Variants in PPFIA2 observed in about 807,000 individuals in gnomAD.
PPFIA2 encodes liprin-alpha-2.
PPFIA2 carries 46 observed loss-of-function variants against 175.5 expected under a neutral mutation model. The observed-to-expected ratio is 0.26, with a 90% CI of 0.21 to 0.34. The LOEUF (loss-of-function observed/expected upper bound fraction) is 0.34, where lower values mean the gene tolerates loss of function less well. Among genes scored for constraint, PPFIA2 ranks in the 10% least tolerant of loss-of-function variants. PPFIA2 has a pLI of 1.00. For synonymous variants in PPFIA2, 568 were observed against 511.4 expected (o/e 1.11, Z -1.49); for missense variants, 1,179 against 1,506.1 (o/e 0.78, Z 3.60).
At chr12:81,306,532 T>C (rs1383616561) in intron 22 of PPFIA2, among the ~76,000 whole-genome samples, 1 of 148,054 alleles carries the variant, frequency 6.8e-6, no homozygotes. Flanking sequence ...TTTGTTTGTT[T>C]GTTTCGTTGT....
intron 15 of PPFIA2, among the ~76,000 whole-genome samples, chr12:81,361,850 G>C (rs2030590670): frequency 6.6e-6 from 1 of 151,548 alleles, no homozygotes. Context: ...TCAAACGGCT[G>C]CTATTATTCT....
At chr12:81,693,411 C>G (rs1248493019) in intron 3 of PPFIA2, among the ~76,000 whole-genome samples, 3 of 151,926 alleles carry the variant, frequency 2.0e-5, no homozygotes, top group Non-Finnish European at 4.4e-5. Flanking sequence ...TTTGGTTGCT[C>G]CTGCTTTCAC....
At chr12:81,595,052 G>A (rs953615098) in intron 4 of PPFIA2, among the ~76,000 whole-genome samples, 8 of 152,016 alleles carry the variant, frequency 5.3e-5, no homozygotes, top group African/African-American at 1.9e-4. Flanking sequence ...GGAAATGAGG[G>A]GAGCCATGGT....
chr12:81,417,551 T>C lies in PPFIA2; in HGVS notation c.646-11648A>G, dbSNP rs549724190. Among the ~76,000 whole-genome samples, 4 of 151,726 alleles carry C rather than the reference T, an allele frequency of 2.6e-5. No individual in the cohort carries two copies. The South Asian group carries it at 8.3e-4, about 31-fold the overall frequency. Reference sequence around the variant, plus strand: ...CAATCTTGCATATAACAAAGCAAGCTAGGGCAATAAAAAGGATTTATTCAT... The same window carrying C: ...CAATCTTGCATATAACAAAGCAAGCCAGGGCAATAAAAAGGATTTATTCAT... On this transcript the variant is annotated intron_variant, in intron 7 of 32. Transcript: ENST00000549396.
At chr12:81,424,758 T>G (rs1311636804) in intron 7 of PPFIA2, 2 of 152,182 alleles carry the variant, frequency 1.3e-5, no homozygotes, top group African/African-American at 4.8e-5. Context: ...TCTTTATATG[T>G]TTATTAGCTC....
intron 4 of PPFIA2, among the ~76,000 whole-genome samples, chr12:81,584,341 A>C (rs1306465269): frequency 2.0e-5 from 3 of 151,896 alleles, no homozygotes; most frequent in African/African-American, 7.2e-5. Flanking sequence ...GCCATATATC[A>C]TTTAGGATTT....
At chr12:81,395,012 T>C (rs1222852758) in intron 8 of PPFIA2, among the ~76,000 whole-genome samples, 2 of 151,938 alleles carry the variant, frequency 1.3e-5, no homozygotes, top group African/African-American at 4.8e-5. Context: ...TCTTGGACAA[T>C]AACAATAAAT....
chr12:81,625,788 GATTT>G (rs2062630065), intron 4 of PPFIA2, among the ~76,000 whole-genome samples: 1 of 149,180 alleles, frequency 6.7e-6, no homozygotes, highest in African/African-American at 2.4e-5. Context: ...ATAATTTCCT[GATTT>G]ATTTGCCCTT....
At chr12:81,293,235 T>C (rs2045516723) in intron 24 of PPFIA2, among the ~76,000 whole-genome samples, 1 of 151,920 alleles carries the variant, frequency 6.6e-6, no homozygotes, top group Non-Finnish European at 1.5e-5. Context: ...AAACAAAATA[T>C]ATAATTTAGG....
intron 24 of PPFIA2, among the ~76,000 whole-genome samples, chr12:81,284,599 G>A (rs2042845830): frequency 6.6e-6 from 1 of 152,148 alleles, no homozygotes; most frequent in Non-Finnish European, 1.5e-5. Context: ...GCATTTCAAT[G>A]GTATGTGGCT....
At chr12:81,663,035 T>C (rs2069261999) in intron 4 of PPFIA2, among the ~76,000 whole-genome samples, 1 of 152,154 alleles carries the variant, frequency 6.6e-6, no homozygotes, top group African/African-American at 2.4e-5. Flanking sequence ...ATAAATTAGG[T>C]ATTGATGGGA....
chr12:81,338,040 C>A (rs1037410838), intron 21 of PPFIA2, among the ~76,000 whole-genome samples: 1 of 152,076 alleles, frequency 6.6e-6, no homozygotes. Context: ...CCTGTAGCTT[C>A]CGATGCTTTC....
chr12:81,532,356 A>G (rs2153282098), intron 4 of PPFIA2, among the ~76,000 whole-genome samples: 1 of 151,864 alleles, frequency 6.6e-6, no homozygotes, highest in Non-Finnish European at 1.5e-5. Context: ...GATGAAAATC[A>G]TATAGTCCCT....
intron 7 of PPFIA2, among the ~76,000 whole-genome samples, chr12:81,423,673 T>C (rs2046674380): frequency 6.6e-6 from 1 of 152,166 alleles, no homozygotes; most frequent in African/African-American, 2.4e-5. Flanking sequence ...GCTTTCCTTC[T>C]AAGATCCAGC....
rs975042330 is a variant in PPFIA2 at position 81,726,305 on chromosome 12, T to C, written c.249+27668A>G. On this transcript the variant is annotated intron_variant, in intron 3 of 32. Transcript: ENST00000549396. ...GATTATTTCTATCAGCATATGTCCT[T>C]GAAAACATCCTGATATCTGTCTGGA... 2.6e-5 allele frequency among the ~76,000 whole-genome samples: 4 copies of C among 151,412 alleles called. No homozygotes were observed. The Admixed American group carries it at 2.6e-4, about 10-fold the overall frequency.
intron 4 of PPFIA2, among the ~76,000 whole-genome samples, chr12:81,509,710 A>G (rs1410489813): frequency 2.0e-5 from 3 of 151,786 alleles, no homozygotes; most frequent in African/African-American, 4.8e-5. Flanking sequence ...TTCTACAACC[A>G]TATATGCTTT....
At chr12:81,524,659 T>C (rs2063534391) in intron 4 of PPFIA2, among the ~76,000 whole-genome samples, 1 of 152,250 alleles carries the variant, frequency 6.6e-6, no homozygotes, top group African/African-American at 2.4e-5. Context: ...AGATGAGATG[T>C]GAACTTTAGA....
chr12:81,454,060 A>T (rs1008325836), intron 5 of PPFIA2, among the ~76,000 whole-genome samples: 1 of 152,060 alleles, frequency 6.6e-6, no homozygotes, highest in Non-Finnish European at 1.5e-5. Flanking sequence ...TCTACAAAAA[A>T]TAACAGAAAT....
At chr12:81,576,208 T>C (rs1279361728) in intron 4 of PPFIA2, among the ~76,000 whole-genome samples, 4 of 151,674 alleles carry the variant, frequency 2.6e-5, no homozygotes, top group African/African-American at 9.7e-5. Context: ...AATGGATATT[T>C]GGAGGCAGGT....
Sources: allele counts gnomAD v4.1 joint callset (sites outside exome capture counted in the v4.1 genomes callset), GRCh38; gene constraint gnomAD v4.1.1; transcripts MANE v1.5; gene names NCBI Gene and HGNC (gene_info 2026-07-23, HGNC 2026-07-21).